The following ANK3 variants were observed in gnomAD, a reference collection of about 807,000 sequenced individuals.
The protein encoded by ANK3 is ankyrin-3.
A neutral mutation model predicts 370.9 loss-of-function variants in ANK3; 57 were observed. The ratio of observed to expected loss-of-function variants is 0.15; its 90% CI spans 0.12 to 0.19. The LOEUF is 0.19. ANK3 is among the 10% of genes least tolerant of loss of function. The pLI is 1.00. For missense variants in ANK3, 4,439 were observed against 5,302.1 expected (o/e 0.84, Z 5.06); for synonymous variants, 1,929 against 1,946.3 (o/e 0.99, Z 0.23).
intron 2 of ANK3, among the ~76,000 whole-genome samples, chr10:60,524,901 C>A (rs1938544): frequency 6.6e-6 from 1 of 151,258 alleles, no homozygotes; most frequent in Admixed American, 6.6e-5. Context: ...GACCCATGAA[C>A]AGAAATATTG....
At chr10:60,401,328 T>C (rs1297544804) in intron 2 of ANK3, among the ~76,000 whole-genome samples, 2 of 152,202 alleles carry the variant, frequency 1.3e-5, no homozygotes, top group African/African-American at 4.8e-5. Context: ...TGATAGGCAA[T>C]GATACTAAAC....
intron 27 of ANK3, 130 bp downstream of exon 27, chr10:60,108,699 CA>C: frequency 1.4e-6 from 1 of 734,798 alleles, no homozygotes; most frequent in Non-Finnish European, 2.3e-6. Context: ...TGACCTTTGA[CA>C]CTTTACAAAA....
chr10:60,570,225 T>A (rs2077559032), intron 2 of ANK3, among the ~76,000 whole-genome samples: 1 of 152,164 alleles, frequency 6.6e-6, no homozygotes, highest in South Asian at 2.1e-4. Context: ...CAAGGCAGCA[T>A]GCTGAGTGCT....
chr10:60,064,898 G>A, intron 38 of ANK3, among the ~76,000 whole-genome samples: 1 of 152,216 alleles, frequency 6.6e-6, no homozygotes, highest in African/African-American at 2.4e-5. Context: ...TTGCAAAGAG[G>A]ATGTTGGATG....
intron 2 of ANK3, among the ~76,000 whole-genome samples, chr10:60,448,790 ATCT>A: frequency 6.6e-6 from 1 of 152,322 alleles, no homozygotes; most frequent in Admixed American, 6.5e-5. Flanking sequence ...CCTTTGAGAT[ATCT>A]TCTTTTGAGC....
intron 25 of ANK3, among the ~76,000 whole-genome samples, chr10:60,118,737 A>AT (rs2093282487): frequency 1.3e-5 from 2 of 152,268 alleles, no homozygotes; most frequent in South Asian, 2.1e-4. Flanking sequence ...ACAAAGGTTC[A>AT]TTTTTTTAAA....
intron 1 of ANK3, among the ~76,000 whole-genome samples, chr10:60,657,091 G>A (rs2078874830): frequency 6.6e-6 from 1 of 152,194 alleles, no homozygotes; most frequent in Non-Finnish European, 1.5e-5. Flanking sequence ...AGAGAGCAAG[G>A]AGGAGCAAGT....
intron 2 of ANK3, among the ~76,000 whole-genome samples, chr10:60,529,512 G>C (rs1934754): frequency 0.68 from 102,948 of 151,452 alleles, 35,338 homozygotes; most frequent in South Asian, 0.87. Context: ...TGGGGGCTCA[G>C]GTGCACGCAC....
At chr10:60,557,606 T>A (rs183273778) in intron 2 of ANK3, among the ~76,000 whole-genome samples, 1 of 152,298 alleles carries the variant, frequency 6.6e-6, no homozygotes, top group East Asian at 1.9e-4. Context: ...AAACTGTATA[T>A]TTAAATATAT....
At chr10:60,704,115 T>C (rs2079580804) in intron 1 of ANK3, among the ~76,000 whole-genome samples, 1 of 152,232 alleles carries the variant, frequency 6.6e-6, no homozygotes, top group Non-Finnish European at 1.5e-5. Context: ...TCAGCCCTTA[T>C]ATCTTGCCTC....
intron 2 of ANK3, among the ~76,000 whole-genome samples, chr10:60,561,360 C>T (rs1158807488): frequency 6.6e-6 from 1 of 152,100 alleles, no homozygotes; most frequent in South Asian, 2.1e-4. Flanking sequence ...ATTGAGTAGA[C>T]TGGGTACCAA....
intron 28 of ANK3, among the ~76,000 whole-genome samples, chr10:60,096,799 G>GT (rs2090221087): frequency 1.3e-5 from 2 of 152,128 alleles, no homozygotes; most frequent in African/African-American, 2.4e-5. Flanking sequence ...ATATGGTTTT[G>GT]TTTTTTAAAA....
chr10:60,109,458 T>G (rs1221728529), intron 26 of ANK3, among the ~76,000 whole-genome samples: 1 of 152,218 alleles, frequency 6.6e-6, no homozygotes, highest in Non-Finnish European at 1.5e-5. Flanking sequence ...TGCCATATGG[T>G]CTCTTACAAG....
intron 1 of ANK3, among the ~76,000 whole-genome samples, chr10:60,350,734 T>G (rs1282052593): frequency 6.6e-6 from 1 of 152,134 alleles, no homozygotes; most frequent in Non-Finnish European, 1.5e-5. Context: ...TGTGAGCAGT[T>G]TTTTAGGTCA....
At chr10:60,055,333 A>G (rs1166404860) in intron 42 of ANK3, among the ~76,000 whole-genome samples, 1 of 152,206 alleles carries the variant, frequency 6.6e-6, no homozygotes, top group Non-Finnish European at 1.5e-5. Flanking sequence ...AATCCCAGAT[A>G]AAATACTGGG....
At chr10:60,486,946 A>G (rs1236782142) in intron 2 of ANK3, among the ~76,000 whole-genome samples, 1 of 152,212 alleles carries the variant, frequency 6.6e-6, no homozygotes, top group Non-Finnish European at 1.5e-5. Context: ...TAAACAAAAA[A>G]TATTTTTTAC....
At chr10:60,241,941 C>A (rs2097466448) in intron 7 of ANK3, among the ~76,000 whole-genome samples, 1 of 152,124 alleles carries the variant, frequency 6.6e-6, no homozygotes, top group African/African-American at 2.4e-5. Context: ...CAGTACACAG[C>A]AAGTTTAATT....
rs554374681 is a variant in ANK3, at chr10:60,351,395, G to A, written c.114+38030C>T. Among the ~76,000 whole-genome samples, 5 of 152,248 alleles carry A rather than the reference G, an allele frequency of 3.3e-5. No individual in the cohort carries two copies. The South Asian group carries it at 1.0e-3, about 32-fold the overall frequency. ...AATAACCCCTCAGATGCACGCTAAT[G>A]GCAGTCACCCAGAACGTACATCTGC... is the stretch of plus-strand genomic sequence containing the variant. On this transcript the variant is annotated intron_variant, in intron 1 of 43. Coordinates refer to ENST00000280772, the MANE Select transcript of ANK3 (RefSeq NM_020987.5).
intron 1 of ANK3, among the ~76,000 whole-genome samples, chr10:60,371,420 A>G (rs985049112): frequency 1.3e-5 from 2 of 152,012 alleles, no homozygotes; most frequent in East Asian, 3.8e-4. Flanking sequence ...AGACTATTTT[A>G]ATTATTTTAA....
Sources: allele counts gnomAD v4.1 joint callset (sites outside exome capture counted in the v4.1 genomes callset), GRCh38; gene constraint gnomAD v4.1.1; transcripts MANE v1.5; gene names NCBI Gene and HGNC (gene_info 2026-07-23, HGNC 2026-07-21).